TRANK1: variants seen among roughly 807,000 people sequenced by gnomAD.
TRANK1 encodes the protein tetratricopeptide repeat and ankyrin repeat containing 1, also known as TPR and ankyrin repeat-containing protein 1.
TRANK1 carries 198 observed loss-of-function variants against 266.0 expected under a neutral mutation model. That is an observed-to-expected ratio of 0.74 (90% confidence interval 0.66 to 0.84). The LOEUF (loss-of-function observed/expected upper bound fraction) is 0.84, where lower values mean the gene tolerates loss of function less well. Among genes scored for constraint, TRANK1 ranks in the 40% least tolerant of loss-of-function variants. The pLI, the probability that TRANK1 is intolerant of heterozygous loss-of-function variation, is 0.00. For synonymous variants in TRANK1, 1,396 were observed against 1,384.1 expected (o/e 1.01, Z -0.19); for missense variants, 3,326 against 3,634.6 (o/e 0.92, Z 2.18).
intron 9 of TRANK1, among the ~76,000 whole-genome samples, chr3:36,872,249 A>C (rs911303666): frequency 2.6e-5 from 4 of 152,158 alleles, no homozygotes; most frequent in Non-Finnish European, 5.9e-5. Flanking sequence ...AAAACTACAA[A>C]AAGTAGCCGA....
intron 1 of TRANK1, among the ~76,000 whole-genome samples, chr3:36,933,067 C>G (rs2080381141): frequency 6.6e-6 from 1 of 152,142 alleles, no homozygotes; most frequent in Non-Finnish European, 1.5e-5. Flanking sequence ...TCCAGACATG[C>G]CACAGTACCA....
chr3:36,865,737 C>CAT (rs2079207980), intron 9 of TRANK1, among the ~76,000 whole-genome samples: 1 of 151,946 alleles, frequency 6.6e-6, no homozygotes, highest in Non-Finnish European at 1.5e-5. Flanking sequence ...CACACACATA[C>CAT]ATATATATAG....
chr3:36,900,649 G>T (rs1439544524), intron 3 of TRANK1, among the ~76,000 whole-genome samples: 1 of 151,850 alleles, frequency 6.6e-6, no homozygotes, highest in Non-Finnish European at 1.5e-5. Flanking sequence ...GCCAAGGCAG[G>T]AGGACTGCTT....
At chr3:36,934,491 C>G (rs2080398008) in intron 1 of TRANK1, among the ~76,000 whole-genome samples, 1 of 152,104 alleles carries the variant, frequency 6.6e-6, no homozygotes, top group African/African-American at 2.4e-5. Flanking sequence ...ACGAGGGAAG[C>G]AAGGAAAAGT....
intron 8 of TRANK1, among the ~76,000 whole-genome samples, chr3:36,878,558 A>G (rs2079423483): frequency 6.6e-6 from 1 of 152,144 alleles, no homozygotes; most frequent in Admixed American, 6.5e-5. Flanking sequence ...AGGGCTACAC[A>G]GCTAGAATAC....
chr3:36,892,307 C>A lies in TRANK1; in HGVS notation c.670G>T (p.Glu224Ter), dbSNP rs1441901792. Reference sequence around the variant, plus strand: ...CACTGGACTAACTTGGGCACTTGTTCCATCTTCTCATAAAGTCCAATGAAA... The same window carrying A: ...CACTGGACTAACTTGGGCACTTGTTACATCTTCTCATAAAGTCCAATGAAA... ...YVFIGLYEKM[E>*]QVPKLVQWLI... Residue 224 changes from glutamate to a stop codon, truncating the protein, a stop_gained, in exon 7 of 24, where the codon GAA becomes TAA. Coordinates refer to ENST00000645898, the MANE Select transcript of TRANK1 (RefSeq NM_001329998.2). LOFTEE classifies it high-confidence loss of function. 6.5e-7 allele frequency: 1 copy of A among 1,537,018 alleles called. No homozygotes were observed.
chr3:36,828,131 T>C lies in TRANK1; in HGVS notation c.*144A>G. ...TCCTAAGCCACTGAAAGAGAAGTAA[T>C]GAGAATAAAAAGCAATGGTGTTGTT... On this transcript the variant is annotated 3_prime_UTR_variant, in exon 24 of 24. Transcript: ENST00000645898. 1.6e-6 allele frequency: 1 copy of C among 627,410 alleles called. No homozygotes were observed. Among genetic ancestry groups the C allele is most frequent in the Non-Finnish European group, 2.8e-6 (1 of 356,166 alleles). 38.9% of individuals were successfully genotyped at this position (627,410 alleles called of 1,614,324 possible). A position where few individuals can be genotyped will look rare whatever the true frequency, so the allele number is the denominator to read the frequency against.
chr3:36,925,367 G>A (rs2080273345), intron 1 of TRANK1, among the ~76,000 whole-genome samples: 2 of 152,132 alleles, frequency 1.3e-5, no homozygotes, highest in African/African-American at 4.8e-5. Flanking sequence ...ATCATCTAAA[G>A]TTCTCTATCT....
intron 8 of TRANK1, 81 bp downstream of exon 8, chr3:36,889,748 A>G (rs1209637146): frequency 1.4e-6 from 2 of 1,451,400 alleles, no homozygotes; most frequent in Non-Finnish European, 1.8e-6. Flanking sequence ...AATGGGTAAA[A>G]CAAGGCAGTC....
chr3:36,857,117 C>T lies in TRANK1; in HGVS notation c.2605G>A (p.Gly869Ser). 1 of 1,614,022 alleles carries T rather than the reference C, an allele frequency of 6.2e-7. No individual in the cohort carries two copies. Among genetic ancestry groups the T allele is most frequent in the African/African-American group, 1.3e-5 (1 of 75,054 alleles). The change falls in exon 13 of 24, where the codon GGC (glycine) becomes AGC (serine). Residue 869 changes from glycine (G) to serine (S), a missense_variant. By Grantham distance (56) the Gly-to-Ser change is moderately conservative. Transcript: ENST00000645898. The surrounding 1 kb of genome is among the most constrained non-coding windows in gnomAD (Gnocchi z 4.3). Reference protein sequence around the residue: ...IILAIQQLGNGEWTQGLQKRL... With the variant: ...IILAIQQLGNSEWTQGLQKRL... ...TTCTGCAGGCCCTGGGTCCACTCGCCATTTCCCAGCTGCTGAATGGCAAGG... is the reference window on the plus strand; with the variant it reads ...TTCTGCAGGCCCTGGGTCCACTCGCTATTTCCCAGCTGCTGAATGGCAAGG...
At position 36,830,907 on chromosome 3, in the gene TRANK1, C is replaced by T. The variant is rs1575172642; in HGVS notation, c.8676G>A (p.Val2892=). The T allele has an allele frequency of 6.2e-7, 1 of 1,612,560 alleles. No homozygotes were observed. Among genetic ancestry groups the T allele is most frequent in the African/African-American group, 1.3e-5 (1 of 74,898 alleles). ...QEHIKRVSDM[V]EDLYRRKAWA... is the part of the protein sequence containing the mutation. ...AGGCCTTCCGCCTGTAGAGGTCCTC[C>T]ACCATATCCGAAACCCTCTTGATGT... Residue 2892 remains valine (V), a synonymous_variant, in exon 22 of 24, where the codon GTG becomes GTA. Transcript: ENST00000645898.
At chr3:36,904,592 G>A (rs575946556) in intron 2 of TRANK1, among the ~76,000 whole-genome samples, 3 of 151,970 alleles carry the variant, frequency 2.0e-5, no homozygotes, top group Admixed American at 6.5e-5. Context: ...AATCACTGTA[G>A]ATAATGCAGA....
chr3:36,893,010 G>A, intron 5 of TRANK1, 26 bp from the exon 6 acceptor site: 2 of 1,411,858 alleles, frequency 1.4e-6, no homozygotes, highest in Non-Finnish European at 1.9e-6. Flanking sequence ...AGAAAAGGCT[G>A]GAATAATAAT....
intron 1 of TRANK1, among the ~76,000 whole-genome samples, chr3:36,920,280 AC>A (rs1231449893): frequency 6.6e-6 from 1 of 152,152 alleles, no homozygotes; most frequent in East Asian, 1.9e-4. Context: ...CTGACACTCT[AC>A]CCATTTGGCT....
intron 1 of TRANK1, among the ~76,000 whole-genome samples, chr3:36,911,218 G>A (rs1213191617): frequency 4.6e-5 from 7 of 152,144 alleles, no homozygotes; most frequent in Admixed American, 4.6e-4. Flanking sequence ...AGGCCTATAA[G>A]GTTGAAAAGG....
chr3:36,884,298 C>T (rs2079571147), intron 8 of TRANK1, among the ~76,000 whole-genome samples: 1 of 152,192 alleles, frequency 6.6e-6, no homozygotes, highest in Non-Finnish European at 1.5e-5. Flanking sequence ...AATGGCATAC[C>T]TAGTACCAGA....
intron 17 of TRANK1, among the ~76,000 whole-genome samples, chr3:36,843,942 C>A (rs1216319698): frequency 4.6e-5 from 7 of 152,128 alleles, no homozygotes; most frequent in African/African-American, 1.7e-4. Flanking sequence ...CACGGCAAAA[C>A]CCCATCCATA....
intron 3 of TRANK1, among the ~76,000 whole-genome samples, chr3:36,899,597 T>C (rs1368751575): frequency 6.6e-6 from 1 of 152,218 alleles, no homozygotes; most frequent in Non-Finnish European, 1.5e-5. Context: ...AGATAGAGGC[T>C]ACAGTGAGTT....
intron 8 of TRANK1, among the ~76,000 whole-genome samples, chr3:36,881,851 A>G (rs11129739): frequency 0.33 from 50,220 of 151,928 alleles, 9,307 homozygotes; most frequent in East Asian, 0.57. Context: ...CACACAACAC[A>G]TGGTCTTTTT....
Sources: gnomAD v4.1 joint callset for allele counts (sites outside exome capture counted in the v4.1 genomes callset) on GRCh38, gnomAD v4.1.1 for gene constraint, Gnocchi (gnomAD v3.1) non-coding constraint, MANE v1.5 for transcripts, NCBI Gene and HGNC (gene_info 2026-07-23, HGNC 2026-07-21) for gene names.